The following AGMO variants were observed in gnomAD, a reference collection of about 807,000 sequenced individuals.
AGMO encodes glyceryl-ether monooxygenase.
AGMO carries 75 observed loss-of-function variants against 60.2 expected under a neutral mutation model. That is an observed-to-expected ratio of 1.25 (90% CI 1.03 to 1.51). AGMO has a LOEUF of 1.51. Ranked by LOEUF, AGMO falls within the 40% of genes most tolerant of loss-of-function variation. AGMO has a pLI of 0.00. For missense variants in AGMO, 763 were observed against 525.5 expected (o/e 1.45, Z -4.42); for synonymous variants, 261 against 177.1 (o/e 1.47, Z -3.76).
chr7:15,370,301 C>G (rs971757521), intron 10 of AGMO, among the ~76,000 whole-genome samples: 1 of 152,178 alleles, frequency 6.6e-6, no homozygotes, highest in Non-Finnish European at 1.5e-5. Flanking sequence ...ACCAATCCTC[C>G]GTTGGTGGGC....
the AGMO span, among the ~76,000 whole-genome samples, chr7:15,136,862 T>C: frequency 8.5e-5 from 13 of 152,048 alleles, no homozygotes; most frequent in East Asian, 1.8e-3. Context: ...TGGGATGGTT[T>C]ACCTTCTAGA....
intron 3 of AGMO, among the ~76,000 whole-genome samples, chr7:15,495,777 C>G (rs1347503843): frequency 6.6e-6 from 1 of 152,074 alleles, no homozygotes; most frequent in Non-Finnish European, 1.5e-5. Context: ...CACTTTCTCT[C>G]TGGGGCTTCA....
intron 12 of AGMO, among the ~76,000 whole-genome samples, chr7:15,363,407 A>C (rs918528096): frequency 4.6e-5 from 7 of 152,160 alleles, no homozygotes; most frequent in Non-Finnish European, 1.0e-4. Context: ...AATTCCTTAC[A>C]CATATTCTCT....
Position 15,465,840 on chromosome 7 carries a change from A to G in AGMO, c.410-34732T>C, listed in dbSNP as rs139226913. 2.9e-4 allele frequency among the ~76,000 whole-genome samples: 44 copies of G among 152,174 alleles called. No individual in the cohort carries two copies. The East Asian group carries it at 8.1e-3, about 28-fold the overall frequency. On this transcript the variant is annotated intron_variant, in intron 3 of 12. Coordinates refer to ENST00000342526, the MANE Select transcript of AGMO (RefSeq NM_001004320.2). ...ACCAGTCAATAAGGAAAAGCATAACACAAAATTAATAGTTCAGTCTTTTTT... is the reference window on the plus strand; with the variant it reads ...ACCAGTCAATAAGGAAAAGCATAACGCAAAATTAATAGTTCAGTCTTTTTT...
At chr7:15,334,257 G>GA (rs1284763017) in intron 12 of AGMO, among the ~76,000 whole-genome samples, 3 of 149,714 alleles carry the variant, frequency 2.0e-5, no homozygotes, top group Non-Finnish European at 4.4e-5. Context: ...AAATCTTTCT[G>GA]AAGTTTTTAA....
At chr7:15,528,609 A>C (rs2128539585) in intron 3 of AGMO, among the ~76,000 whole-genome samples, 1 of 152,216 alleles carries the variant, frequency 6.6e-6, no homozygotes, top group South Asian at 2.1e-4. Flanking sequence ...AAGCAGTACT[A>C]GGAGGAACAA....
At chr7:15,369,851 ATGT>A (rs934546884) in intron 10 of AGMO, among the ~76,000 whole-genome samples, 3 of 152,138 alleles carry the variant, frequency 2.0e-5, no homozygotes, top group Admixed American at 6.6e-5. Flanking sequence ...AATACATTAA[ATGT>A]TATTACATTG....
the AGMO span, among the ~76,000 whole-genome samples, chr7:15,173,107 C>T: frequency 6.6e-6 from 1 of 151,952 alleles, no homozygotes; most frequent in Admixed American, 6.6e-5. Context: ...CTATTGAATA[C>T]ATTTATTGAA....
At chr7:15,182,097 C>CA in the AGMO span, among the ~76,000 whole-genome samples, 1 of 151,694 alleles carries the variant, frequency 6.6e-6, no homozygotes, top group Admixed American at 6.6e-5. Flanking sequence ...ATAAGCCAGT[C>CA]AAAAAAAGGA....
chr7:15,198,689 A>C (rs1303905398), downstream of AGMO, among the ~76,000 whole-genome samples: 1 of 152,106 alleles, frequency 6.6e-6, no homozygotes, highest in Non-Finnish European at 1.5e-5. Context: ...GTGCTCACTG[A>C]TCAGGTCAGA....
intron 5 of AGMO, among the ~76,000 whole-genome samples, chr7:15,400,935 G>T (rs931523449): frequency 6.6e-5 from 10 of 151,980 alleles, no homozygotes; most frequent in Admixed American, 6.6e-4. Flanking sequence ...CTTATGATCC[G>T]CCCTATCCTG....
chr7:15,384,945 G>C (rs1223982101), intron 10 of AGMO, among the ~76,000 whole-genome samples: 1 of 149,720 alleles, frequency 6.7e-6, no homozygotes, highest in Non-Finnish European at 1.5e-5. Context: ...GGCGATCCCT[G>C]AACTAAATCC....
chr7:15,449,763 A>G (rs1781809503), intron 3 of AGMO, among the ~76,000 whole-genome samples: 1 of 152,258 alleles, frequency 6.6e-6, no homozygotes, highest in Admixed American at 6.5e-5. Flanking sequence ...ACGTTGGTTT[A>G]AAAGTACTAC....
the AGMO span, among the ~76,000 whole-genome samples, chr7:15,184,364 AAGGGAAGGAAG>A: frequency 2.8e-4 from 1 of 3,534 alleles, no homozygotes; most frequent in Non-Finnish European, 4.8e-4. Context: ...GGAGGGAAGG[AAGGGAAGGAAG>A]GAAGGAAGGA....
At chr7:15,275,044 T>A (rs1191644357) in intron 12 of AGMO, among the ~76,000 whole-genome samples, 1 of 152,070 alleles carries the variant, frequency 6.6e-6, no homozygotes, top group Non-Finnish European at 1.5e-5. Flanking sequence ...CTCAATCTCA[T>A]TTAGTTCTGC....
At chr7:15,515,541 G>T (rs746705053) in intron 3 of AGMO, among the ~76,000 whole-genome samples, 14 of 152,146 alleles carry the variant, frequency 9.2e-5, no homozygotes, top group Non-Finnish European at 1.9e-4. Context: ...AGCATGCAAG[G>T]CATGGTAACC....
At chr7:15,453,228 T>C (rs1781900621) in intron 3 of AGMO, among the ~76,000 whole-genome samples, 1 of 152,234 alleles carries the variant, frequency 6.6e-6, no homozygotes, top group East Asian at 1.9e-4. Context: ...GGTATGTTAA[T>C]TATATCTCAA....
At chr7:15,181,801 C>G in the AGMO span, among the ~76,000 whole-genome samples, 2 of 152,138 alleles carry the variant, frequency 1.3e-5, no homozygotes, top group Non-Finnish European at 2.9e-5. Context: ...AATACTTTTA[C>G]TGCATTGATT....
At chr7:15,531,218 ATATATATTCTATATATATATTC>A (rs1227094248) in intron 3 of AGMO, among the ~76,000 whole-genome samples, 13 of 85,390 alleles carry the variant, frequency 1.5e-4, no homozygotes, top group African/African-American at 5.9e-4. Context: ...TATATATTCT[ATATATATTCTATATATATATTC>A]TATATATTCT....
Sources: allele counts gnomAD v4.1 joint callset (sites outside exome capture counted in the v4.1 genomes callset), GRCh38; gene constraint gnomAD v4.1.1; transcripts MANE v1.5; gene names NCBI Gene and HGNC (gene_info 2026-07-23, HGNC 2026-07-21).